Variants in CPNE4 observed in about 807,000 individuals in gnomAD.
The protein encoded by CPNE4 is copine 4.
Under a neutral mutation model 67.9 loss-of-function variants are expected in CPNE4, and 25 were observed. The ratio of observed to expected loss-of-function variants is 0.37; its 90% CI spans 0.27 to 0.51. The LOEUF is 0.51. CPNE4 is among the 20% of genes least tolerant of loss of function. The probability of loss-of-function intolerance (pLI) is 0.93; values close to 1 mark genes in which losing one functional copy is unlikely to be tolerated. For synonymous variants in CPNE4, 242 were observed against 244.9 expected, an observed-to-expected ratio of 0.99 and a Z score of 0.11; for missense variants, 464 against 690.8, an observed-to-expected ratio of 0.67 and a Z score of 3.68.
At chr3:131,536,100 C>T (rs920501366) in intron 15 of CPNE4, among the ~76,000 whole-genome samples, 17 of 151,746 alleles carry the variant, frequency 1.1e-4, no homozygotes, top group African/African-American at 3.1e-4. Flanking sequence ...AGGTGGGGGA[C>T]GAGGGGGTTT....
chr3:131,555,440 C>T, intron 12 of CPNE4, 57 bp downstream of exon 12: 2 of 1,507,306 alleles, frequency 1.3e-6, no homozygotes, highest in Non-Finnish European at 1.8e-6. Flanking sequence ...CAAAGAAGAG[C>T]CAAGTTATCC....
intron 1 of CPNE4, among the ~76,000 whole-genome samples, chr3:131,985,303 A>T (rs2073015388): frequency 6.6e-6 from 1 of 152,210 alleles, no homozygotes. Context: ...TGAAAGGGAC[A>T]CATCAGTCTA....
At chr3:131,738,306 A>G (rs1305150818) in intron 2 of CPNE4, among the ~76,000 whole-genome samples, 1 of 152,280 alleles carries the variant, frequency 6.6e-6, no homozygotes, top group African/African-American at 2.4e-5. Context: ...CAGTTCTGCA[A>G]TCCCATTATA....
intron 1 of CPNE4, among the ~76,000 whole-genome samples, chr3:131,929,610 A>AC (rs2070996577): frequency 6.6e-6 from 1 of 151,838 alleles, no homozygotes; most frequent in African/African-American, 2.4e-5. Context: ...ACAGATCTGC[A>AC]AGGATCTGCC....
At chr3:131,782,928 T>C (rs2083463368) in intron 2 of CPNE4, among the ~76,000 whole-genome samples, 1 of 152,026 alleles carries the variant, frequency 6.6e-6, no homozygotes, top group South Asian at 2.1e-4. Context: ...GCAAGAACCT[T>C]GTGGCCAACT....
At chr3:131,583,258 T>G (rs1381971635) in intron 8 of CPNE4, among the ~76,000 whole-genome samples, 8 of 152,210 alleles carry the variant, frequency 5.3e-5, no homozygotes, top group Non-Finnish European at 1.2e-4. Context: ...GATTTTCTTC[T>G]CATTTACTCT....
intron 1 of CPNE4, among the ~76,000 whole-genome samples, chr3:131,906,300 T>C (rs1479751883): frequency 1.3e-5 from 2 of 151,918 alleles, no homozygotes; most frequent in Non-Finnish European, 2.9e-5. Context: ...ATGGGCACAA[T>C]GTGCAGGTTA....
chr3:131,819,762 A>G (rs774146325), intron 2 of CPNE4, among the ~76,000 whole-genome samples: 4 of 152,190 alleles, frequency 2.6e-5, no homozygotes, highest in Non-Finnish European at 5.9e-5. Flanking sequence ...GGCTAAAACA[A>G]TAGGCATTAA....
chr3:131,684,450 T>C (rs2080836355), intron 6 of CPNE4, among the ~76,000 whole-genome samples: 1 of 152,230 alleles, frequency 6.6e-6, no homozygotes, highest in Admixed American at 6.5e-5. Flanking sequence ...ACAGCATTTA[T>C]TTATTTATTC....
chr3:131,887,955 T>C (rs2087961055), intron 2 of CPNE4, among the ~76,000 whole-genome samples: 2 of 152,196 alleles, frequency 1.3e-5, no homozygotes, highest in Admixed American at 6.5e-5. Flanking sequence ...AGTTCACTTG[T>C]AGGTGCTCCA....
chr3:132,033,006 T>C (rs2074269427), intron 1 of CPNE4, among the ~76,000 whole-genome samples: 2 of 152,390 alleles, frequency 1.3e-5, no homozygotes, highest in East Asian at 3.9e-4. Flanking sequence ...GTTTGTTTTT[T>C]TGTTTTGTTA....
chr3:132,013,189 C>T (rs2073813393), intron 1 of CPNE4, among the ~76,000 whole-genome samples: 1 of 152,160 alleles, frequency 6.6e-6, no homozygotes, highest in South Asian at 2.1e-4. Context: ...CGCCATTGCA[C>T]TCCAGCCTGG....
rs1025728454 is a variant in CPNE4, at chr3:131,989,711, T to A, written c.-2+44856A>T. 1.2e-4 allele frequency among the ~76,000 whole-genome samples: 17 copies of A among 136,574 alleles called. 1 individual carries two copies. Among genetic ancestry groups the A allele is most frequent in the African/African-American group, 3.4e-4 (14 of 40,768 alleles). 89.6% of individuals were successfully genotyped at this position (136,574 alleles called of 152,430 possible). A position where few individuals can be genotyped will look rare whatever the true frequency, so the allele number is the denominator to read the frequency against. On this transcript the variant is annotated intron_variant, in intron 1 of 15. Coordinates refer to ENST00000429747, the MANE Select transcript of CPNE4 (RefSeq NM_130808.3). The stretch of plus-strand genomic sequence containing the variant: ...AAAACAATGTAATTTGAGGTGGTGA[T>A]AGGTGAGGAATAAATCCAAATTTTA...
intron 2 of CPNE4, among the ~76,000 whole-genome samples, chr3:131,813,528 T>C (rs988910366): frequency 4.6e-5 from 7 of 150,940 alleles, no homozygotes; most frequent in Non-Finnish European, 7.4e-5. Context: ...ATTGTATGTA[T>C]GTATACACAC....
At chr3:131,791,965 C>A (rs1217663062) in intron 2 of CPNE4, among the ~76,000 whole-genome samples, 1 of 152,182 alleles carries the variant, frequency 6.6e-6, no homozygotes, top group Middle Eastern at 3.4e-3. Flanking sequence ...AGATATAGGG[C>A]TATAATTACT....
At position 131,899,109 on chromosome 3, in the gene CPNE4, T is replaced by A. The variant is rs558467687; in HGVS notation, c.180+6155A>T. Among the ~76,000 whole-genome samples, 933 of 152,214 alleles carry A rather than the reference T, an allele frequency of 6.1e-3. 12 individuals are homozygous for A. Among genetic ancestry groups the A allele is most frequent in the Non-Finnish European group, 8.2e-3 (556 of 68,004 alleles). On this transcript the variant is annotated intron_variant, in intron 2 of 15. Transcript: ENST00000429747. ...TGTTTTAATTGACTTAATTTTCATT[T>A]TCTAGCTCTCGTCTATGTCCACAAC...
At chr3:131,758,111 T>G (rs2082797516) in intron 2 of CPNE4, among the ~76,000 whole-genome samples, 1 of 152,152 alleles carries the variant, frequency 6.6e-6, no homozygotes, top group South Asian at 2.1e-4. Flanking sequence ...GGGCACCACC[T>G]AGTGCAGCAT....
intron 2 of CPNE4, among the ~76,000 whole-genome samples, chr3:131,729,527 T>G (rs2082079142): frequency 6.6e-6 from 1 of 152,204 alleles, no homozygotes. Context: ...GTTAGTGGCT[T>G]GTTCTGTAGC....
chr3:131,845,818 A>G (rs1472275893), intron 2 of CPNE4, among the ~76,000 whole-genome samples: 4 of 152,196 alleles, frequency 2.6e-5, no homozygotes, highest in African/African-American at 9.6e-5. Context: ...ATCGTCTAGT[A>G]TTTAATGTGG....
Sources: allele counts gnomAD v4.1 joint callset (sites outside exome capture counted in the v4.1 genomes callset), GRCh38; gene constraint gnomAD v4.1.1; transcripts MANE v1.5; gene names NCBI Gene and HGNC (gene_info 2026-07-23, HGNC 2026-07-21).